Variants in NDUFAF2 observed in about 807,000 individuals in gnomAD.
The protein encoded by NDUFAF2 is NADH:ubiquinone oxidoreductase complex assembly factor 2, also known as NADH dehydrogenase [ubiquinone] 1 alpha subcomplex assembly factor 2.
In NDUFAF2, 13 loss-of-function variants were observed where a neutral mutation model predicts 22.8. The observed-to-expected ratio is 0.57, with a 90% CI of 0.37 to 0.91. The LOEUF (loss-of-function observed/expected upper bound fraction) is 0.91. Ranked by LOEUF, NDUFAF2 falls within the 40% of genes least tolerant of loss-of-function variation. The pLI is 0.01. For missense variants in NDUFAF2, 162 were observed against 195.2 expected (o/e 0.83, Z 1.01); for synonymous variants, 53 against 64.2 (o/e 0.83, Z 0.84).
intron 1 of NDUFAF2, among the ~76,000 whole-genome samples, chr5:61,067,521 G>C (rs1752245970): frequency 6.6e-6 from 1 of 151,950 alleles, no homozygotes; most frequent in African/African-American, 2.4e-5. Context: ...AGTATTCCGT[G>C]GTGTATATGT....
At chr5:61,101,449 C>T (rs1201367080) in intron 3 of NDUFAF2, among the ~76,000 whole-genome samples, 1 of 152,056 alleles carries the variant, frequency 6.6e-6, no homozygotes, top group African/African-American at 2.4e-5. Flanking sequence ...TATCCTCTTC[C>T]ATTTCTTTTA....
At chr5:60,969,778 A>G (rs1428343910) in intron 1 of NDUFAF2, among the ~76,000 whole-genome samples, 2 of 152,082 alleles carry the variant, frequency 1.3e-5, no homozygotes, top group Non-Finnish European at 2.9e-5. Flanking sequence ...CCTGTAGGGT[A>G]TTACTCAAGA....
At chr5:61,138,754 G>C (rs995341548) in intron 3 of NDUFAF2, among the ~76,000 whole-genome samples, 1 of 152,348 alleles carries the variant, frequency 6.6e-6, no homozygotes, top group African/African-American at 2.4e-5. Context: ...GCAAAGCCAT[G>C]TGTGTGGCTT....
chr5:61,009,778 A>G lies in NDUFAF2; in HGVS notation c.128-63347A>G, dbSNP rs534109083. On this transcript the variant is annotated intron_variant, in intron 1 of 3. Transcript: ENST00000296597. The stretch of plus-strand genomic sequence containing the variant: ...TCCATTCTCCCTATGTTCTGATTCC[A>G]GACACTTAAAGACAACAGCTTACAA... 6.6e-5 allele frequency among the ~76,000 whole-genome samples: 10 copies of G among 152,178 alleles called. No homozygotes were observed. The South Asian group carries it at 2.1e-3, about 32-fold the overall frequency.
chr5:60,990,945 C>A, intron 1 of NDUFAF2, among the ~76,000 whole-genome samples: 1 of 152,032 alleles, frequency 6.6e-6, no homozygotes, highest in Non-Finnish European at 1.5e-5. Flanking sequence ...TTGTGACTAG[C>A]CCAAAGCTCC....
At chr5:61,128,675 A>G (rs1753067995) in intron 3 of NDUFAF2, among the ~76,000 whole-genome samples, 1 of 152,244 alleles carries the variant, frequency 6.6e-6, no homozygotes, top group African/African-American at 2.4e-5. Context: ...CTTAAATGTT[A>G]GACCTAAAAC....
At chr5:60,974,290 G>A (rs773262738) in intron 1 of NDUFAF2, among the ~76,000 whole-genome samples, 14 of 152,162 alleles carry the variant, frequency 9.2e-5, no homozygotes, top group Non-Finnish European at 1.6e-4. Flanking sequence ...TTAAGCTTTT[G>A]GATTCTTGGA....
intron 1 of NDUFAF2, among the ~76,000 whole-genome samples, chr5:61,048,171 A>G (rs1456567301): frequency 6.6e-6 from 1 of 152,134 alleles, no homozygotes. Flanking sequence ...GAGTTTGAAA[A>G]TTCATTCCCT....
At chr5:60,998,546 CAG>C (rs1374730535) in intron 1 of NDUFAF2, among the ~76,000 whole-genome samples, 1 of 152,040 alleles carries the variant, frequency 6.6e-6, no homozygotes, top group African/African-American at 2.4e-5. Context: ...ATGTTGGAAT[CAG>C]AGACTTATTT....
At chr5:61,041,236 C>T (rs1751878302) in intron 1 of NDUFAF2, among the ~76,000 whole-genome samples, 1 of 152,056 alleles carries the variant, frequency 6.6e-6, no homozygotes, top group Non-Finnish European at 1.5e-5. Context: ...TGAAAAATTA[C>T]CATCAAGTAA....
Position 60,945,360 on chromosome 5 carries a change from C to G in NDUFAF2, c.105C>G (p.Ile35Met). The G allele has an allele frequency of 3.7e-6, 6 of 1,614,166 alleles. No individual in the cohort carries two copies. The highest frequency in any genetic ancestry group is 5.1e-6 in the Non-Finnish European group (6 of 1,180,028). ...AATTCGGGAACAAATACTACTACATCCCGCAGTACAAGAACTGGAGAGGTG... is the reference window on the plus strand; with the variant it reads ...AATTCGGGAACAAATACTACTACATGCCGCAGTACAAGAACTGGAGAGGTG... ...TDQFGNKYYY[I>M]PQYKNWRGQT... The change falls in exon 1 of 4, where the codon ATC becomes ATG. Residue 35 changes from isoleucine to methionine, a missense_variant. Transcript: ENST00000296597.
At chr5:60,974,834 G>A (rs1302275310) in intron 1 of NDUFAF2, among the ~76,000 whole-genome samples, 1 of 151,958 alleles carries the variant, frequency 6.6e-6, no homozygotes, top group Non-Finnish European at 1.5e-5. Flanking sequence ...TATTTATTTT[G>A]AGACAGGGTC....
At chr5:61,141,352 A>G (rs1480100179) in intron 3 of NDUFAF2, among the ~76,000 whole-genome samples, 3 of 152,104 alleles carry the variant, frequency 2.0e-5, no homozygotes, top group Non-Finnish European at 4.4e-5. Context: ...TAATTTTTTT[A>G]AACCTGCCTC....
intron 1 of NDUFAF2, among the ~76,000 whole-genome samples, chr5:60,964,699 G>A (rs1750731658): frequency 6.6e-6 from 1 of 152,070 alleles, no homozygotes; most frequent in African/African-American, 2.4e-5. Flanking sequence ...TGATCTGCCT[G>A]CCTTGGCCTA....
At chr5:60,945,668 A>T (rs1383504012) in intron 1 of NDUFAF2, among the ~76,000 whole-genome samples, 1 of 152,134 alleles carries the variant, frequency 6.6e-6, no homozygotes, top group East Asian at 1.9e-4. Flanking sequence ...AAGGCGCACC[A>T]CCACTTTCCT....
chr5:61,023,105 T>G (rs1336008698), intron 1 of NDUFAF2, among the ~76,000 whole-genome samples: 2 of 152,152 alleles, frequency 1.3e-5, no homozygotes, highest in Admixed American at 6.5e-5. Flanking sequence ...AAATAGGTGT[T>G]CCCCCCTTCT....
intron 1 of NDUFAF2, among the ~76,000 whole-genome samples, chr5:61,056,835 G>A (rs1350689750): frequency 4.3e-5 from 6 of 138,750 alleles, no homozygotes; most frequent in Non-Finnish European, 7.6e-5. Flanking sequence ...GTTGCGGTGA[G>A]CTGAGATCAC....
intron 1 of NDUFAF2, among the ~76,000 whole-genome samples, chr5:60,952,440 T>C (rs1750560294): frequency 6.6e-6 from 1 of 152,080 alleles, no homozygotes; most frequent in Admixed American, 6.5e-5. Flanking sequence ...TTTTCCTATA[T>C]GACCTATGTA....
At chr5:60,963,342 T>C (rs980866295) in intron 1 of NDUFAF2, among the ~76,000 whole-genome samples, 2 of 152,232 alleles carry the variant, frequency 1.3e-5, no homozygotes, top group African/African-American at 4.8e-5. Flanking sequence ...GAGTACACAG[T>C]CAGTGAGGAA....
Sources: allele counts gnomAD v4.1 joint callset (sites outside exome capture counted in the v4.1 genomes callset), GRCh38; gene constraint gnomAD v4.1.1; transcripts MANE v1.5; gene names NCBI Gene and HGNC (gene_info 2026-07-23, HGNC 2026-07-21).